Variants in DAAM1 observed in about 807,000 individuals in gnomAD.
The protein encoded by DAAM1 is disheveled-associated activator of morphogenesis 1.
In DAAM1, 52 loss-of-function variants were observed where a neutral mutation model predicts 130.0. The observed-to-expected ratio is 0.40, with a 90% CI of 0.32 to 0.50. DAAM1 has a LOEUF of 0.50. Ranked by LOEUF, DAAM1 falls within the 20% of genes least tolerant of loss-of-function variation. The probability of loss-of-function intolerance (pLI) is 0.61; values close to 1 mark genes in which losing one functional copy is unlikely to be tolerated. For missense variants in DAAM1, 1,134 were observed against 1,303.8 expected, an observed-to-expected ratio of 0.87 and a Z score of 2.01; for synonymous variants, 452 against 444.5, an observed-to-expected ratio of 1.02 and a Z score of -0.21.
At chr14:59,338,209 T>G (rs933890327) in intron 15 of DAAM1, among the ~76,000 whole-genome samples, 6 of 152,212 alleles carry the variant, frequency 3.9e-5, no homozygotes, top group African/African-American at 1.4e-4. Context: ...CTTCATGGTA[T>G]TCAGCCAAAT....
intron 1 of DAAM1, among the ~76,000 whole-genome samples, chr14:59,248,066 A>G (rs1205635505): frequency 6.6e-6 from 1 of 152,238 alleles, no homozygotes; most frequent in African/African-American, 2.4e-5. Flanking sequence ...ACTTCTGTCC[A>G]AATACTCTGG....
At chr14:59,253,693 A>G (rs1020869027) in intron 1 of DAAM1, among the ~76,000 whole-genome samples, 2 of 152,218 alleles carry the variant, frequency 1.3e-5, no homozygotes, top group African/African-American at 4.8e-5. Flanking sequence ...GATAAAATAC[A>G]GTTATAATAT....
At chr14:59,330,269 T>C (rs1258740847) in intron 12 of DAAM1, among the ~76,000 whole-genome samples, 1 of 98,376 alleles carries the variant, frequency 1.0e-5, no homozygotes, top group Non-Finnish European at 2.1e-5. Flanking sequence ...GTGTAGGCTC[T>C]CTTCTTCAGT....
chr14:59,361,272 T>C (rs558523732), intron 22 of DAAM1, among the ~76,000 whole-genome samples: 10 of 152,128 alleles, frequency 6.6e-5, no homozygotes, highest in African/African-American at 2.4e-4. Flanking sequence ...CTTGGTCCTT[T>C]GGGGAGTATT....
At chr14:59,270,123 G>A (rs905776952) in intron 2 of DAAM1, among the ~76,000 whole-genome samples, 2 of 152,184 alleles carry the variant, frequency 1.3e-5, no homozygotes, top group Admixed American at 6.5e-5. Context: ...TATTTGTGAG[G>A]TGTTGGTAAG....
At chr14:59,240,395 A>C (rs1471852028) in intron 1 of DAAM1, among the ~76,000 whole-genome samples, 1 of 152,170 alleles carries the variant, frequency 6.6e-6, no homozygotes, top group East Asian at 1.9e-4. Context: ...AGTCAAGTGG[A>C]CCATGAATCA....
chr14:59,314,293 A>G (rs1033688707), intron 3 of DAAM1, among the ~76,000 whole-genome samples: 1 of 152,186 alleles, frequency 6.6e-6, no homozygotes, highest in African/African-American at 2.4e-5. Context: ...AGGGTGGGAT[A>G]TCCATTGTCC....
chr14:59,323,562 A>G (rs932577582), intron 6 of DAAM1, among the ~76,000 whole-genome samples: 5 of 152,200 alleles, frequency 3.3e-5, no homozygotes, highest in Admixed American at 2.0e-4. Flanking sequence ...CAATATTAAT[A>G]ATTTTTCATA....
In DAAM1 at chr14:59,323,138, C is replaced by T. The variant is rs531300580; in HGVS notation, c.687C>T (p.Ala229=). 90 of 1,613,660 alleles carry T rather than the reference C, an allele frequency of 5.6e-5. No homozygotes were observed. The highest frequency in any genetic ancestry group is 2.2e-4 in the South Asian group (20 of 91,022). Residue 229 remains alanine, a synonymous_variant, in exon 6 of 25, where the codon GCC becomes GCT. Transcript: ENST00000360909. The part of the protein sequence containing the change: ...TKVAVLEILG[A]VCLVPGGHKK... Reference sequence around the variant, plus strand: ...TGGCCGTGCTGGAAATCTTGGGCGCCGTGTGCCTGGTTCCCGGGGGCCACA... The same window carrying T: ...TGGCCGTGCTGGAAATCTTGGGCGCTGTGTGCCTGGTTCCCGGGGGCCACA...
Position 59,313,609 on chromosome 14 carries a change from G to A in DAAM1, c.274-1671G>A, listed in dbSNP as rs373132463. ...TTTGGAAATTTGCCCTACTTTGGGGGAATGGAGAGATCTGGCACCTTCTGC... is the reference window on the plus strand; with the variant it reads ...TTTGGAAATTTGCCCTACTTTGGGGAAATGGAGAGATCTGGCACCTTCTGC... On this transcript the variant is annotated intron_variant, in intron 3 of 24. Transcript: ENST00000360909. Among the ~76,000 whole-genome samples, 159 of 152,272 alleles carry A rather than the reference G, an allele frequency of 1.0e-3. 2 individuals are homozygous for A. Among genetic ancestry groups the A allele is most frequent in the African/African-American group, 3.7e-3 (155 of 41,558 alleles).
intron 4 of DAAM1, among the ~76,000 whole-genome samples, chr14:59,316,223 C>T (rs1884788283): frequency 6.6e-6 from 1 of 152,254 alleles, no homozygotes; most frequent in East Asian, 1.9e-4. Context: ...ATGATAGCTT[C>T]TAGAATACTT....
chr14:59,315,259 C>CT (rs11347467), intron 3 of DAAM1, 21 bp from the exon 4 acceptor site: 2 of 1,613,144 alleles, frequency 1.2e-6, no homozygotes, highest in South Asian at 1.1e-5. Flanking sequence ...TGGTATGTCA[C>CT]TTTTTTTCCC....
intron 4 of DAAM1, among the ~76,000 whole-genome samples, chr14:59,319,942 ACAC>A (rs1884943594): frequency 6.6e-6 from 1 of 151,920 alleles, no homozygotes; most frequent in South Asian, 2.1e-4. Context: ...ACACACACAC[ACAC>A]TCACTCCATA....
intron 12 of DAAM1, among the ~76,000 whole-genome samples, chr14:59,328,698 A>G (rs1286436285): frequency 1.3e-5 from 2 of 152,230 alleles, no homozygotes; most frequent in African/African-American, 2.4e-5. Flanking sequence ...ATATAAGATC[A>G]TTAGCATAGT....
chr14:59,279,012 G>A (rs1883096314), intron 2 of DAAM1, among the ~76,000 whole-genome samples: 1 of 151,888 alleles, frequency 6.6e-6, no homozygotes, highest in African/African-American at 2.4e-5. Flanking sequence ...AGAATTTTTT[G>A]TTTGTTTTCC....
chr14:59,214,339 G>C (rs1888513676), intron 1 of DAAM1, among the ~76,000 whole-genome samples: 1 of 152,250 alleles, frequency 6.6e-6, no homozygotes, highest in Non-Finnish European at 1.5e-5. Context: ...GCAGGTGCAA[G>C]GCAGGCCTGG....
chr14:59,365,643 G>C (rs751429311), intron 23 of DAAM1, among the ~76,000 whole-genome samples: 2 of 152,066 alleles, frequency 1.3e-5, no homozygotes, highest in Non-Finnish European at 2.9e-5. Flanking sequence ...ATTTAAGGTA[G>C]ATGGTATTAC....
At chr14:59,235,464 G>A (rs781748866) in intron 1 of DAAM1, among the ~76,000 whole-genome samples, 2 of 152,076 alleles carry the variant, frequency 1.3e-5, no homozygotes, top group African/African-American at 2.4e-5. Context: ...ATGGTAGTTT[G>A]TATTTCTGTG....
intron 3 of DAAM1, among the ~76,000 whole-genome samples, chr14:59,308,745 C>T (rs894966419): frequency 3.9e-5 from 6 of 152,162 alleles, no homozygotes; most frequent in African/African-American, 1.4e-4. Flanking sequence ...AGAAGGTTTA[C>T]TCTTTCTTCC....
Sources: gnomAD v4.1 joint callset for allele counts (sites outside exome capture counted in the v4.1 genomes callset) on GRCh38, gnomAD v4.1.1 for gene constraint, MANE v1.5 for transcripts, NCBI Gene and HGNC (gene_info 2026-07-23, HGNC 2026-07-21) for gene names.